SH3RF1: variants seen among roughly 807,000 people sequenced by gnomAD.
SH3RF1 encodes SH3 domain containing ring finger 1.
In SH3RF1, 32 loss-of-function variants were observed where a neutral mutation model predicts 74.0. The ratio of observed to expected loss-of-function variants is 0.43; its 90% CI spans 0.33 to 0.58. The LOEUF (loss-of-function observed/expected upper bound fraction) is 0.58, where lower values mean the gene tolerates loss of function less well. Ranked by LOEUF, SH3RF1 falls within the 20% of genes least tolerant of loss-of-function variation. SH3RF1 has a pLI of 0.05. For missense variants in SH3RF1, 954 were observed against 1,130.9 expected, an observed-to-expected ratio of 0.84 and a Z score of 2.24; for synonymous variants, 396 against 439.6, an observed-to-expected ratio of 0.90 and a Z score of 1.24.
chr4:169,171,996 T>C (rs1314371679), intron 2 of SH3RF1, among the ~76,000 whole-genome samples: 1 of 152,240 alleles, frequency 6.6e-6, no homozygotes. Context: ...GGGAATTAAT[T>C]ACAGCTACAG....
chr4:169,097,281 T>C (rs1732948504), intron 11 of SH3RF1, among the ~76,000 whole-genome samples: 1 of 152,158 alleles, frequency 6.6e-6, no homozygotes, highest in Non-Finnish European at 1.5e-5. Context: ...CTGCCCCACA[T>C]ACCCAGATTA....
At chr4:169,231,581 T>C (rs1361636106) in intron 2 of SH3RF1, among the ~76,000 whole-genome samples, 1 of 152,112 alleles carries the variant, frequency 6.6e-6, no homozygotes, top group Non-Finnish European at 1.5e-5. Context: ...AAAAATTTTT[T>C]TTTTTAATAA....
At chr4:169,185,829 T>C (rs1734593513) in intron 2 of SH3RF1, among the ~76,000 whole-genome samples, 1 of 152,070 alleles carries the variant, frequency 6.6e-6, no homozygotes, top group African/African-American at 2.4e-5. Flanking sequence ...GGCAATGAGA[T>C]CCGAGAGGGG....
At chr4:169,211,962 C>T (rs1730381975) in intron 2 of SH3RF1, among the ~76,000 whole-genome samples, 1 of 151,928 alleles carries the variant, frequency 6.6e-6, no homozygotes. Flanking sequence ...AATCATTTCA[C>T]CTGCCATTCC....
chr4:169,256,179 A>T (rs1579166172), intron 2 of SH3RF1, among the ~76,000 whole-genome samples: 2 of 152,088 alleles, frequency 1.3e-5, no homozygotes, highest in Non-Finnish European at 2.9e-5. Context: ...ACTAAATTGA[A>T]TTTTTTTAAA....
chr4:169,223,311 A>G (rs1253806681), intron 2 of SH3RF1, among the ~76,000 whole-genome samples: 3 of 152,202 alleles, frequency 2.0e-5, no homozygotes, highest in Non-Finnish European at 1.5e-5. Flanking sequence ...AGCACATATA[A>G]TAAGAAATAC....
Position 169,095,565 on chromosome 4 carries a change from C to T in SH3RF1, c.*954G>A, listed in dbSNP as rs1446141039. 1 of 152,596 alleles carries T rather than the reference C, an allele frequency of 6.6e-6. No individual in the cohort carries two copies. Among genetic ancestry groups the T allele is most frequent in the Non-Finnish European group, 1.5e-5 (1 of 68,036 alleles). 9.5% of individuals were successfully genotyped at this position (152,596 alleles called of 1,614,324 possible). ...CTTAACACGAGTGCATCACTTACCA[C>T]CACTATCTCACAAATGTTTTACTTG... On this transcript the variant is annotated 3_prime_UTR_variant, in exon 12 of 12. Transcript: ENST00000284637.
intron 11 of SH3RF1, 38 bp downstream of exon 11, chr4:169,106,809 C>T (rs1441729635): frequency 6.8e-7 from 1 of 1,463,642 alleles, no homozygotes; most frequent in Non-Finnish European, 9.2e-7. Flanking sequence ...GCCTATTGTT[C>T]ATTTTTTAGT....
intron 2 of SH3RF1, among the ~76,000 whole-genome samples, chr4:169,198,722 A>C (rs143299406): frequency 6.6e-6 from 1 of 152,312 alleles, no homozygotes; most frequent in Non-Finnish European, 1.5e-5. Flanking sequence ...ATTATCATAA[A>C]ATTGCAGAAC....
chr4:169,228,122 T>C (rs1039493881), intron 2 of SH3RF1, among the ~76,000 whole-genome samples: 1 of 152,204 alleles, frequency 6.6e-6, no homozygotes, highest in African/African-American at 2.4e-5. Flanking sequence ...GAATAGAATA[T>C]ATATTAAGTA....
At chr4:169,153,285 C>T (rs1361306690) in intron 4 of SH3RF1, among the ~76,000 whole-genome samples, 3 of 152,130 alleles carry the variant, frequency 2.0e-5, no homozygotes, top group Non-Finnish European at 2.9e-5. Flanking sequence ...CAATCTTCTC[C>T]AAACTTCTAG....
intron 2 of SH3RF1, among the ~76,000 whole-genome samples, chr4:169,191,314 A>C (rs548626198): frequency 2.0e-5 from 3 of 151,582 alleles, no homozygotes; most frequent in African/African-American, 4.9e-5. Flanking sequence ...AAAAAAAAAA[A>C]ACCTTAGGAA....
At chr4:169,198,593 C>A (rs889754676) in intron 2 of SH3RF1, among the ~76,000 whole-genome samples, 1 of 152,070 alleles carries the variant, frequency 6.6e-6, no homozygotes. Context: ...TATGGAAATA[C>A]ATCAAATGAA....
intron 1 of SH3RF1, chr4:169,269,944 G>C (rs539700347): frequency 2.8e-4 from 43 of 152,334 alleles, no homozygotes; most frequent in African/African-American, 9.4e-4. Context: ...CAGGGCAGTA[G>C]TTGATAAACT....
chr4:169,175,409 T>C (rs1237965904), intron 2 of SH3RF1, among the ~76,000 whole-genome samples: 1 of 152,128 alleles, frequency 6.6e-6, no homozygotes, highest in African/African-American at 2.4e-5. Flanking sequence ...TCTTCTCCCA[T>C]CCCTACATCC....
chr4:169,203,043 G>C (rs181132476), intron 2 of SH3RF1, among the ~76,000 whole-genome samples: 17 of 152,316 alleles, frequency 1.1e-4, no homozygotes, highest in African/African-American at 3.8e-4. Context: ...GAAGGGCTCT[G>C]AGAAGTTCTG....
chr4:169,235,788 T>G (rs868469787), intron 2 of SH3RF1, among the ~76,000 whole-genome samples: 1 of 151,978 alleles, frequency 6.6e-6, no homozygotes, highest in Non-Finnish European at 1.5e-5. Flanking sequence ...GCCTCCCCAG[T>G]TCAAGCCTCA....
intron 4 of SH3RF1, among the ~76,000 whole-genome samples, chr4:169,137,177 C>A (rs1483408089): frequency 6.6e-6 from 1 of 152,206 alleles, no homozygotes; most frequent in Admixed American, 6.5e-5. Flanking sequence ...GAGAACCTCA[C>A]AAAAAGCTGG....
intron 10 of SH3RF1, among the ~76,000 whole-genome samples, chr4:169,114,218 G>T (rs1733292292): frequency 6.6e-6 from 1 of 152,186 alleles, no homozygotes; most frequent in Non-Finnish European, 1.5e-5. Context: ...CACTGGGGAA[G>T]AATCTGTTCC....
Sources: allele counts gnomAD v4.1 joint callset (sites outside exome capture counted in the v4.1 genomes callset), GRCh38; gene constraint gnomAD v4.1.1; transcripts MANE v1.5; gene names NCBI Gene and HGNC (gene_info 2026-07-23, HGNC 2026-07-21).